Variants in LRRK2 observed in about 807,000 individuals in gnomAD.
LRRK2 encodes leucine rich repeat kinase 2.
Under a neutral mutation model 302.6 loss-of-function variants are expected in LRRK2, and 203 were observed. The ratio of observed to expected loss-of-function variants is 0.67; its 90% CI spans 0.60 to 0.75. The LOEUF (loss-of-function observed/expected upper bound fraction) is 0.75, where lower values mean the gene tolerates loss of function less well. LRRK2 is among the 30% of genes least tolerant of loss of function. The pLI is 0.00. For missense variants in LRRK2, 2,830 were observed against 2,951.0 expected (o/e 0.96, Z 0.95); for synonymous variants, 1,066 against 1,031.9 (o/e 1.03, Z -0.63).
intron 11 of LRRK2, among the ~76,000 whole-genome samples, chr12:40,255,335 G>A (rs1942453595): frequency 6.6e-6 from 1 of 152,188 alleles, no homozygotes; most frequent in African/African-American, 2.4e-5. Flanking sequence ...AGTAAGACCT[G>A]CAGGGCGTCG....
intron 14 of LRRK2, among the ~76,000 whole-genome samples, chr12:40,266,972 C>T (rs1042936381): frequency 1.7e-5 from 2 of 117,804 alleles, no homozygotes; most frequent in Non-Finnish European, 3.3e-5. Context: ...GAACATCACA[C>T]TCTGGGGCCT....
intron 46 of LRRK2, among the ~76,000 whole-genome samples, chr12:40,357,435 TC>T (rs1946573016): frequency 6.6e-6 from 1 of 152,194 alleles, no homozygotes; most frequent in Non-Finnish European, 1.5e-5. Context: ...ATATACTGAT[TC>T]CCTTTCCTTT....
chr12:40,324,399 C>A (rs1236794613), intron 38 of LRRK2, among the ~76,000 whole-genome samples: 1 of 152,020 alleles, frequency 6.6e-6, no homozygotes, highest in Non-Finnish European at 1.5e-5. Context: ...TAGCAATTTA[C>A]AAGTATACAG....
chr12:40,226,090 G>T (rs989731221), intron 2 of LRRK2, among the ~76,000 whole-genome samples: 2 of 152,166 alleles, frequency 1.3e-5, no homozygotes, highest in Non-Finnish European at 2.9e-5. Flanking sequence ...GTAGAGTTCA[G>T]CACTTTTTAA....
At chr12:40,358,914 C>T in intron 46 of LRRK2, among the ~76,000 whole-genome samples, 1 of 151,880 alleles carries the variant, frequency 6.6e-6, no homozygotes, top group East Asian at 1.9e-4. Context: ...TTTCAGGTTT[C>T]CTTATAGAGA....
At chr12:40,265,181 T>A (rs1942953967) in intron 14 of LRRK2, among the ~76,000 whole-genome samples, 1 of 152,196 alleles carries the variant, frequency 6.6e-6, no homozygotes, top group Non-Finnish European at 1.5e-5. Flanking sequence ...TTGTAATGGG[T>A]TAAATTTATC....
intron 44 of LRRK2, among the ~76,000 whole-genome samples, chr12:40,353,097 C>A (rs1946412575): frequency 6.7e-6 from 1 of 150,334 alleles, no homozygotes; most frequent in African/African-American, 2.5e-5. Flanking sequence ...CTGCCCCCCA[C>A]CTCCCGGATG....
intron 2 of LRRK2, among the ~76,000 whole-genome samples, chr12:40,227,616 T>C (rs1940962748): frequency 6.6e-6 from 1 of 152,246 alleles, no homozygotes; most frequent in African/African-American, 2.4e-5. Context: ...CCACCCATGC[T>C]GTTGCAAATG....
At chr12:40,253,825 C>G (rs1942385349) in intron 11 of LRRK2, among the ~76,000 whole-genome samples, 1 of 152,194 alleles carries the variant, frequency 6.6e-6, no homozygotes, top group African/African-American at 2.4e-5. Context: ...CTTTCCTCCT[C>G]TGTTTTCCTT....
intron 28 of LRRK2, 111 bp downstream of exon 28, chr12:40,306,077 A>G (rs1385265956): frequency 1.2e-6 from 1 of 837,766 alleles, no homozygotes; most frequent in Non-Finnish European, 1.9e-6. Flanking sequence ...AAATAGTAAT[A>G]TTTGGCATTA....
intron 18 of LRRK2, 67 bp downstream of exon 18, chr12:40,278,328 T>C (rs1943547725): frequency 6.5e-7 from 1 of 1,547,340 alleles, no homozygotes. Context: ...GCCCTGCCAT[T>C]GTGTATCTCT....
chr12:40,352,208 T>A, intron 44 of LRRK2, among the ~76,000 whole-genome samples: 1 of 150,404 alleles, frequency 6.6e-6, no homozygotes, highest in Non-Finnish European at 1.5e-5. Flanking sequence ...TCAAGGCATT[T>A]CTGGGCAAGC....
chr12:40,363,090 A>G (rs1946763558), intron 47 of LRRK2, among the ~76,000 whole-genome samples: 1 of 152,098 alleles, frequency 6.6e-6, no homozygotes, highest in Non-Finnish European at 1.5e-5. Context: ...ATTTAGATAT[A>G]GTACAAAATT....
At chr12:40,306,850 A>G (rs1944843109) in intron 28 of LRRK2, among the ~76,000 whole-genome samples, 1 of 151,706 alleles carries the variant, frequency 6.6e-6, no homozygotes, top group Non-Finnish European at 1.5e-5. Context: ...TGTTTTCTGA[A>G]CTCCTGAGCT....
intron 19 of LRRK2, 50 bp downstream of exon 19, chr12:40,284,183 T>A (rs1218570734): frequency 6.6e-7 from 1 of 1,509,122 alleles, no homozygotes. Context: ...TAATAGTATT[T>A]TTTTAAGTCA....
intron 41 of LRRK2, among the ~76,000 whole-genome samples, chr12:40,341,987 A>G (rs1237635263): frequency 6.6e-6 from 1 of 152,202 alleles, no homozygotes; most frequent in Non-Finnish European, 1.5e-5. Flanking sequence ...TGGGCATGGG[A>G]CAGTGATTTT....
chr12:40,349,246 G>C (rs1159193247), intron 43 of LRRK2, among the ~76,000 whole-genome samples: 1 of 152,054 alleles, frequency 6.6e-6, no homozygotes, highest in Non-Finnish European at 1.5e-5. Context: ...CGTGTACACT[G>C]TCTTCCACTG....
At chr12:40,339,190 G>C (rs1311868152) in intron 40 of LRRK2, among the ~76,000 whole-genome samples, 2 of 152,128 alleles carry the variant, frequency 1.3e-5, no homozygotes, top group Non-Finnish European at 1.5e-5. Context: ...ACTATTAATT[G>C]ATATAATGTG....
At chr12:40,289,317 G>A (rs957404088) in intron 20 of LRRK2, among the ~76,000 whole-genome samples, 2 of 151,510 alleles carry the variant, frequency 1.3e-5, no homozygotes, top group South Asian at 2.1e-4. Flanking sequence ...TAGCTTAATA[G>A]CAGTTCTTGA....
Sources: gnomAD v4.1 joint callset for allele counts (sites outside exome capture counted in the v4.1 genomes callset) on GRCh38, gnomAD v4.1.1 for gene constraint, MANE v1.5 for transcripts, NCBI Gene and HGNC (gene_info 2026-07-23, HGNC 2026-07-21) for gene names.